RIMS1: variants seen among roughly 807,000 people sequenced by gnomAD.
RIMS1 encodes the protein regulating synaptic membrane exocytosis protein 1.
A neutral mutation model predicts 214.1 loss-of-function variants in RIMS1; 83 were observed. That is an observed-to-expected ratio of 0.39 (90% CI 0.32 to 0.47). The LOEUF (loss-of-function observed/expected upper bound fraction) is 0.47. Ranked by LOEUF, RIMS1 falls within the 20% of genes least tolerant of loss-of-function variation. RIMS1 has a pLI of 0.99. For missense variants in RIMS1, 2,050 were observed against 2,161.8 expected, an observed-to-expected ratio of 0.95 and a Z score of 1.03; for synonymous variants, 793 against 786.8, an observed-to-expected ratio of 1.01 and a Z score of -0.13.
chr6:72,260,867 C>G, intron 19 of RIMS1, 100 bp downstream of exon 19: 1 of 1,543,784 alleles, frequency 6.5e-7, no homozygotes, highest in Non-Finnish European at 8.8e-7. Flanking sequence ...ACAAGCAAGT[C>G]AAATAAATTT....
chr6:72,308,818 A>G (rs17689576), intron 27 of RIMS1, among the ~76,000 whole-genome samples: 1 of 151,980 alleles, frequency 6.6e-6, no homozygotes. Flanking sequence ...TCAGCTCCAT[A>G]CAGGTTTATC....
At chr6:72,376,169 ATATTCACCC>A (rs2154409090) in intron 29 of RIMS1, among the ~76,000 whole-genome samples, 1 of 152,348 alleles carries the variant, frequency 6.6e-6, no homozygotes, top group African/African-American at 2.4e-5. Flanking sequence ...GTATAGAGAA[ATATTCACCC>A]AATTATGTGA....
intron 2 of RIMS1, among the ~76,000 whole-genome samples, chr6:71,995,608 C>T (rs1803191092): frequency 2.0e-5 from 3 of 151,946 alleles, no homozygotes; most frequent in Admixed American, 6.6e-5. Context: ...CTCATAGACT[C>T]AGTGGCTTAG....
chr6:72,301,218 A>T lies in RIMS1; in HGVS notation c.3851-6040A>T, dbSNP rs542165554. ...AAGGGAAAATGGGAAACTACTTGGAACATTTTTACACTTACAAGTTGAAAG... is the reference window on the plus strand; with the variant it reads ...AAGGGAAAATGGGAAACTACTTGGATCATTTTTACACTTACAAGTTGAAAG... On this transcript the variant is annotated intron_variant, in intron 26 of 33. Transcript: ENST00000521978. 3.3e-5 allele frequency among the ~76,000 whole-genome samples: 5 copies of T among 151,792 alleles called. No individual in the cohort carries two copies. The East Asian group carries it at 7.7e-4, about 23-fold the overall frequency.
intron 1 of RIMS1, among the ~76,000 whole-genome samples, chr6:71,940,269 A>G (rs1475631692): frequency 6.6e-6 from 1 of 152,230 alleles, no homozygotes; most frequent in African/African-American, 2.4e-5. Flanking sequence ...AGATGAAATA[A>G]AATATTACTG....
intron 6 of RIMS1, among the ~76,000 whole-genome samples, chr6:72,223,197 G>C (rs565333396): frequency 1.2e-4 from 18 of 152,222 alleles, no homozygotes; most frequent in Non-Finnish European, 2.4e-4. Flanking sequence ...ATTGCTTTTT[G>C]CCAGATGAGA....
At chr6:72,245,898 G>A in intron 11 of RIMS1, 37 bp downstream of exon 11, 1 of 1,388,176 alleles carries the variant, frequency 7.2e-7, no homozygotes, top group Non-Finnish European at 1.0e-6. Flanking sequence ...TAAAAGTATT[G>A]AACTAATTGA....
intron 1 of RIMS1, among the ~76,000 whole-genome samples, chr6:71,920,240 T>A (rs2150742828): frequency 6.6e-6 from 1 of 152,326 alleles, no homozygotes; most frequent in East Asian, 1.9e-4. Context: ...TGCAATGTAG[T>A]ATCCTGAATT....
chr6:72,241,018 A>G (rs2066665608), intron 9 of RIMS1, among the ~76,000 whole-genome samples: 1 of 152,108 alleles, frequency 6.6e-6, no homozygotes, highest in African/African-American at 2.4e-5. Flanking sequence ...CTCCATCTCA[A>G]AAAAAAGAAT....
At chr6:71,943,629 A>T (rs1034995942) in intron 1 of RIMS1, among the ~76,000 whole-genome samples, 1 of 152,214 alleles carries the variant, frequency 6.6e-6, no homozygotes, top group South Asian at 2.1e-4. Context: ...AATGCAGCAT[A>T]ATGCAAGCTG....
intron 22 of RIMS1, among the ~76,000 whole-genome samples, chr6:72,273,711 T>G (rs2084670450): frequency 6.6e-6 from 1 of 152,196 alleles, no homozygotes; most frequent in Non-Finnish European, 1.5e-5. Context: ...CTTTTATTTA[T>G]CAGTATCGTT....
chr6:72,078,415 A>G (rs1832439140), intron 2 of RIMS1, among the ~76,000 whole-genome samples: 1 of 151,940 alleles, frequency 6.6e-6, no homozygotes, highest in Admixed American at 6.6e-5. Context: ...TTCCAGTTCT[A>G]TTCCCTAATA....
intron 4 of RIMS1, among the ~76,000 whole-genome samples, chr6:72,117,480 C>G (rs2037316935): frequency 6.6e-6 from 1 of 151,810 alleles, no homozygotes; most frequent in Admixed American, 6.6e-5. Context: ...TAAAGCCTCT[C>G]ACTATTATGG....
At chr6:72,265,897 T>G in intron 21 of RIMS1, 63 bp from the exon 22 acceptor site, 1 of 1,152,670 alleles carries the variant, frequency 8.7e-7, no homozygotes, top group Non-Finnish European at 1.3e-6. Flanking sequence ...TCTAACATGG[T>G]CTTCCTTTCT....
chr6:72,373,463 A>G (rs560362530), intron 29 of RIMS1, among the ~76,000 whole-genome samples: 1 of 152,332 alleles, frequency 6.6e-6, no homozygotes, highest in Admixed American at 6.5e-5. Context: ...GTGTGTGATT[A>G]ACACTGAACA....
At position 72,182,398 on chromosome 6, in the gene RIMS1, G is replaced by A; in HGVS notation, c.927G>A (p.Glu309=). Residue 309 remains glutamate (E), a synonymous_variant, in exon 6 of 34, where the codon GAG becomes GAA. Coordinates refer to ENST00000521978, the MANE Select transcript of RIMS1 (RefSeq NM_014989.7). ...QPVEGAVEER[E]RKERRESRRL... ...TGGAGGGGGCCGTCGAAGAACGGGA[G>A]CGCAAAGAAAGGCGGGAAAGCCGAA... is the stretch of plus-strand genomic sequence containing the variant. The A allele has an allele frequency of 1.2e-6, 2 of 1,613,954 alleles. No homozygotes were observed. Among genetic ancestry groups the A allele is most frequent in the Non-Finnish European group, 8.5e-7 (1 of 1,179,880 alleles).
intron 6 of RIMS1, among the ~76,000 whole-genome samples, chr6:72,186,055 C>G (rs1255454997): frequency 6.6e-6 from 1 of 152,158 alleles, no homozygotes; most frequent in Non-Finnish European, 1.5e-5. Context: ...ATACATATAA[C>G]ATACAACATT....
intron 29 of RIMS1, among the ~76,000 whole-genome samples, chr6:72,388,331 A>G (rs1360154157): frequency 2.6e-5 from 4 of 152,206 alleles, no homozygotes; most frequent in Non-Finnish European, 5.9e-5. Flanking sequence ...GCTTGAGGAA[A>G]TGCAGGGAAG....
intron 2 of RIMS1, among the ~76,000 whole-genome samples, chr6:71,980,203 C>G (rs1798144672): frequency 6.6e-6 from 1 of 152,128 alleles, no homozygotes. Context: ...GGTGTGGACT[C>G]TACTGGTGGC....
Sources: allele counts gnomAD v4.1 joint callset (sites outside exome capture counted in the v4.1 genomes callset), GRCh38; gene constraint gnomAD v4.1.1; transcripts MANE v1.5; gene names NCBI Gene and HGNC (gene_info 2026-07-23, HGNC 2026-07-21).